The following CACNA1C variants were observed in gnomAD, a reference collection of about 807,000 sequenced individuals.
CACNA1C encodes voltage-dependent L-type calcium channel subunit alpha-1C.
CACNA1C carries 30 observed loss-of-function variants against 229.0 expected under a neutral mutation model. The ratio of observed to expected loss-of-function variants is 0.13; its 90% CI spans 0.10 to 0.18. The LOEUF is 0.18. Ranked by LOEUF, CACNA1C falls within the 10% of genes least tolerant of loss-of-function variation. CACNA1C has a pLI of 1.00. For synonymous variants in CACNA1C, 1,114 were observed against 1,132.5 expected, an observed-to-expected ratio of 0.98 and a Z score of 0.33; for missense variants, 1,658 against 2,845.0, an observed-to-expected ratio of 0.58 and a Z score of 9.49.
At chr12:2,026,652 C>A (rs567977080) in intron 1 of CACNA1C, among the ~76,000 whole-genome samples, 5 of 152,134 alleles carry the variant, frequency 3.3e-5, no homozygotes, top group Non-Finnish European at 7.4e-5. Context: ...TAAATATTGG[C>A]TTTTTTACAC....
At chr12:2,528,478 G>A (rs945405232) in intron 9 of CACNA1C, among the ~76,000 whole-genome samples, 4 of 152,160 alleles carry the variant, frequency 2.6e-5, no homozygotes, top group East Asian at 1.9e-4. Context: ...AAGCCAGCCC[G>A]TTCTTCCAAC....
intron 5 of CACNA1C, among the ~76,000 whole-genome samples, chr12:2,459,171 T>G (rs1448308300): frequency 5.4e-3 from 57 of 10,536 alleles, no homozygotes; most frequent in East Asian, 0.023. Context: ...TTGTGTGTGT[T>G]TTTTTTTTTT....
chr12:2,602,598 C>T lies in CACNA1C; in HGVS notation c.2960+638C>T, dbSNP rs1327344806. On this transcript the variant is annotated intron_variant, in intron 22 of 46. Coordinates refer to ENST00000399655, the MANE Select transcript of CACNA1C (RefSeq NM_000719.7). The surrounding 1 kb of genome is among the most constrained non-coding windows in gnomAD (Gnocchi z 4.4). The stretch of plus-strand genomic sequence containing the variant: ...GTATGTGCATATGTATGTGTGAGTG[C>T]ATGTATGTGTGTGACTGTGTATATT... Among the ~76,000 whole-genome samples, 2 of 146,982 alleles carry T rather than the reference C, an allele frequency of 1.4e-5. No individual in the cohort carries two copies. The highest frequency in any genetic ancestry group is 1.4e-4 in the Admixed American group (2 of 14,748).
At chr12:2,652,456 G>T (rs981412840) in intron 32 of CACNA1C, among the ~76,000 whole-genome samples, 1 of 152,206 alleles carries the variant, frequency 6.6e-6, no homozygotes, top group African/African-American at 2.4e-5. Context: ...CCAGATGAGC[G>T]CAGAACCCGT....
chr12:2,647,820 A>G lies in CACNA1C; in HGVS notation c.3913-655A>G, dbSNP rs1417002214. Reference sequence around the variant, plus strand: ...AAGTCCTCATAGGTTAACAATGGCTAATAAAAAACAAATTAAAACAGGCTT... The same window carrying G: ...AAGTCCTCATAGGTTAACAATGGCTGATAAAAAACAAATTAAAACAGGCTT... On this transcript the variant is annotated intron_variant, in intron 30 of 46. Coordinates refer to ENST00000399655, the MANE Select transcript of CACNA1C (RefSeq NM_000719.7). This position sits in a 1 kb window ranked among gnomAD's most constrained non-coding sequence, Gnocchi z 4.2. 1.3e-5 allele frequency among the ~76,000 whole-genome samples: 2 copies of G among 152,184 alleles called. No individual in the cohort carries two copies. The highest frequency in any genetic ancestry group is 2.9e-5 in the Non-Finnish European group (2 of 68,028).
At chr12:1,993,514 C>T in intron 1 of CACNA1C, 3 of 1,186,926 alleles carry the variant, frequency 2.5e-6, no homozygotes, top group Non-Finnish European at 2.3e-6. Context: ...TTTATATAAG[C>T]AGCCTGTACA....
chr12:2,294,651 C>T (rs987167718), intron 3 of CACNA1C, among the ~76,000 whole-genome samples: 6 of 152,100 alleles, frequency 3.9e-5, no homozygotes, highest in African/African-American at 4.8e-5. Context: ...GCTTGCCATC[C>T]GAGCCATCCA....
intron 3 of CACNA1C, among the ~76,000 whole-genome samples, chr12:2,395,824 G>C (rs926936796): frequency 6.6e-6 from 1 of 152,192 alleles, no homozygotes; most frequent in African/African-American, 2.4e-5. Flanking sequence ...ACAGATCTGA[G>C]CCACATGAGT....
rs903524820 is a variant in CACNA1C at position 2,293,437 on chromosome 12, T to A, written c.478-155539T>A. Reference sequence around the variant, plus strand: ...AATATTTTTCAGCCCTGTGACTCCATGAATGCCTCTAACACCTAGAGCAGG... The same window carrying A: ...AATATTTTTCAGCCCTGTGACTCCAAGAATGCCTCTAACACCTAGAGCAGG... On this transcript the variant is annotated intron_variant, in intron 3 of 46. Transcript: ENST00000399655. 4.6e-5 allele frequency among the ~76,000 whole-genome samples: 7 copies of A among 152,354 alleles called. No homozygotes were observed. The East Asian group carries it at 1.3e-3, about 29-fold the overall frequency.
Position 2,084,296 on chromosome 12 carries a change from G to T in CACNA1C, c.49+30685G>T, listed in dbSNP as rs76447893. Among the ~76,000 whole-genome samples, 967 of 152,250 alleles carry T rather than the reference G, an allele frequency of 6.4e-3. 15 individuals are homozygous for T. The highest frequency in any genetic ancestry group is 0.022 in the African/African-American group (899 of 41,548). ...AAGGGGACCTCACTAACTTCAACAC[G>T]CAGCCATTCAAATGTTAAACAGCCA... On this transcript the variant is annotated intron_variant, in intron 1 of 46. Coordinates refer to ENST00000399655, the MANE Select transcript of CACNA1C (RefSeq NM_000719.7).
At chr12:2,097,765 G>A (rs940078839) in intron 1 of CACNA1C, among the ~76,000 whole-genome samples, 8 of 152,190 alleles carry the variant, frequency 5.3e-5, no homozygotes, top group Non-Finnish European at 2.9e-5. Flanking sequence ...GTGCTCTCAG[G>A]CCACCTCTGC....
intron 1 of CACNA1C, among the ~76,000 whole-genome samples, chr12:1,978,024 T>A (rs753342821): frequency 2.0e-5 from 3 of 152,174 alleles, no homozygotes; most frequent in Admixed American, 2.0e-4. Context: ...TGCTAGGAAA[T>A]TGACATTTAA....
At chr12:2,314,251 GTTCCAGCGGAGGCTACCCAGGATAACAT>G (rs1168361437) in intron 3 of CACNA1C, among the ~76,000 whole-genome samples, 5 of 152,202 alleles carry the variant, frequency 3.3e-5, no homozygotes, top group African/African-American at 1.2e-4. Context: ...CCAGGGACAT[GTTCCAGCGGAGGCTACCCAGGATAACAT>G]TTCTATCTCA....
chr12:2,206,032 G>A (rs571033571), intron 3 of CACNA1C, among the ~76,000 whole-genome samples: 3 of 152,252 alleles, frequency 2.0e-5, no homozygotes, highest in African/African-American at 7.2e-5. Flanking sequence ...GAATTTGGGG[G>A]GACACATTCA....
intron 3 of CACNA1C, among the ~76,000 whole-genome samples, chr12:2,264,198 C>T (rs987565029): frequency 3.9e-5 from 6 of 152,180 alleles, no homozygotes; most frequent in Non-Finnish European, 8.8e-5. Context: ...AATGGACTCT[C>T]CTGTATAGTG....
intron 1 of CACNA1C, among the ~76,000 whole-genome samples, chr12:1,977,680 A>G (rs2034851815): frequency 1.3e-5 from 2 of 152,218 alleles, no homozygotes; most frequent in South Asian, 4.1e-4. Flanking sequence ...TGCCTTCTCA[A>G]TAGCCTAGAT....
At position 2,053,693 on chromosome 12, in the gene CACNA1C, C is replaced by T; in HGVS notation, c.49+82C>T. 2.5e-6 allele frequency: 3 copies of T among 1,202,476 alleles called. No individual in the cohort carries two copies. The highest frequency in any genetic ancestry group is 3.5e-4 in the Middle Eastern group (1 of 2,828). 74.5% of individuals were successfully genotyped at this position (1,202,476 alleles called of 1,614,324 possible). A position where few individuals can be genotyped will look rare whatever the true frequency, so the allele number is the denominator to read the frequency against. ...GCCCTACCCGCGCTCCCCGCGGCCC[C>T]GGGGCCGGTCCCTGCGGAGTGGCCC... On this transcript the variant is annotated intron_variant, in intron 1 of 46. Coordinates refer to ENST00000399655, the MANE Select transcript of CACNA1C (RefSeq NM_000719.7). This position sits in a 1 kb window ranked among gnomAD's most constrained non-coding sequence, Gnocchi z 5.8.
chr12:2,482,367 G>A (rs768363160), intron 5 of CACNA1C, among the ~76,000 whole-genome samples: 3 of 152,218 alleles, frequency 2.0e-5, no homozygotes, highest in African/African-American at 4.8e-5. Context: ...TTGCACAGTC[G>A]TGAAGCCATG....
chr12:2,462,425 G>C (rs2099516544), intron 5 of CACNA1C, among the ~76,000 whole-genome samples: 1 of 140,560 alleles, frequency 7.1e-6, no homozygotes, highest in Non-Finnish European at 1.6e-5. Context: ...ACCCTTCCCT[G>C]CTCCATTTCC....
Sources: allele counts gnomAD v4.1 joint callset (sites outside exome capture counted in the v4.1 genomes callset), GRCh38; gene constraint gnomAD v4.1.1; non-coding constraint Gnocchi (gnomAD v3.1); transcripts MANE v1.5; gene names NCBI Gene and HGNC (gene_info 2026-07-23, HGNC 2026-07-21).